CDK14: variants seen among roughly 807,000 people sequenced by gnomAD.
CDK14 encodes cyclin dependent kinase 14.
CDK14 carries 34 observed loss-of-function variants against 60.7 expected under a neutral mutation model. The observed-to-expected ratio is 0.56, with a 90% CI of 0.43 to 0.75. The LOEUF is 0.75. Ranked by LOEUF, CDK14 falls within the 30% of genes least tolerant of loss-of-function variation. The pLI, the probability that CDK14 is intolerant of heterozygous loss-of-function variation, is 0.00. For missense variants in CDK14, 482 were observed against 564.1 expected (o/e 0.85, Z 1.47); for synonymous variants, 197 against 203.7 (o/e 0.97, Z 0.28).
At chr7:91,195,892 T>C (rs1802521496) in intron 14 of CDK14, among the ~76,000 whole-genome samples, 1 of 152,160 alleles carries the variant, frequency 6.6e-6, no homozygotes, top group African/African-American at 2.4e-5. Flanking sequence ...TCACCTACCT[T>C]TCAGCTTTTC....
At chr7:91,037,820 TG>T (rs1332882541) in intron 10 of CDK14, among the ~76,000 whole-genome samples, 1 of 152,230 alleles carries the variant, frequency 6.6e-6, no homozygotes, top group Non-Finnish European at 1.5e-5. Flanking sequence ...TTCAGGATGT[TG>T]ACAAGTTTTG....
chr7:91,001,835 A>G (rs902516192), intron 10 of CDK14, among the ~76,000 whole-genome samples: 1 of 152,230 alleles, frequency 6.6e-6, no homozygotes, highest in Non-Finnish European at 1.5e-5. Flanking sequence ...GCTTAAACCC[A>G]GTTGTTGTCT....
intron 5 of CDK14, among the ~76,000 whole-genome samples, chr7:90,837,811 G>A (rs1369999483): frequency 1.3e-5 from 2 of 152,164 alleles, no homozygotes; most frequent in Non-Finnish European, 2.9e-5. Flanking sequence ...TGGTGTGAGG[G>A]TATGCCTGGG....
intron 5 of CDK14, among the ~76,000 whole-genome samples, chr7:90,828,812 G>T (rs764478383): frequency 4.6e-5 from 7 of 152,202 alleles, no homozygotes; most frequent in Non-Finnish European, 1.0e-4. Context: ...AATGTATCCT[G>T]TATGTGGCAG....
intron 2 of CDK14, among the ~76,000 whole-genome samples, chr7:90,664,647 G>A (rs1482893756): frequency 6.6e-6 from 1 of 152,142 alleles, no homozygotes; most frequent in Non-Finnish European, 1.5e-5. Flanking sequence ...TAGGGACATG[G>A]ATGAAACTGG....
At chr7:90,705,371 T>C (rs969354309) in intron 2 of CDK14, among the ~76,000 whole-genome samples, 3 of 152,102 alleles carry the variant, frequency 2.0e-5, no homozygotes, top group Non-Finnish European at 4.4e-5. Context: ...AGAAAAAAAG[T>C]AATTCTCTAT....
chr7:91,057,864 G>T (rs907273024), intron 11 of CDK14, among the ~76,000 whole-genome samples: 26 of 152,032 alleles, frequency 1.7e-4, no homozygotes, highest in Admixed American at 3.3e-4. Flanking sequence ...TGTTCTTTTG[G>T]CTTAGGATTG....
At chr7:91,048,277 C>T (rs958952139) in intron 11 of CDK14, among the ~76,000 whole-genome samples, 1 of 152,100 alleles carries the variant, frequency 6.6e-6, no homozygotes, top group Non-Finnish European at 1.5e-5. Context: ...CACAATTCCT[C>T]ATCTTGTTTT....
At chr7:91,043,667 C>T (rs1366064639) in intron 10 of CDK14, among the ~76,000 whole-genome samples, 3 of 152,180 alleles carry the variant, frequency 2.0e-5, no homozygotes, top group Non-Finnish European at 4.4e-5. Flanking sequence ...CCTTCCCCTT[C>T]GTCATCCAGC....
intron 11 of CDK14, among the ~76,000 whole-genome samples, chr7:91,052,769 A>G (rs1344508179): frequency 6.6e-6 from 1 of 152,228 alleles, no homozygotes; most frequent in African/African-American, 2.4e-5. Context: ...TAAAGTGGTT[A>G]TATTACTTCT....
chr7:91,178,320 T>C (rs1017953670), intron 14 of CDK14, among the ~76,000 whole-genome samples: 2 of 130,022 alleles, frequency 1.5e-5, no homozygotes, highest in African/African-American at 5.8e-5. Flanking sequence ...TCAAGATGGA[T>C]TAAAGACTTA....
Position 90,973,208 on chromosome 7 carries a change from A to G in CDK14, c.948-10940A>G, listed in dbSNP as rs79637199. 9.9e-3 allele frequency among the ~76,000 whole-genome samples: 1,499 copies of G among 152,134 alleles called. 25 individuals carry two copies. Among genetic ancestry groups the G allele is most frequent in the African/African-American group, 0.033 (1,378 of 41,494 alleles). On this transcript the variant is annotated intron_variant, in intron 9 of 14. Transcript: ENST00000380050. Reference sequence around the variant, plus strand: ...AGATGGCTCTGAAGGGCTCTAAATAATTTTCTAAACTTGAGAAGAGGCCTC... The same window carrying G: ...AGATGGCTCTGAAGGGCTCTAAATAGTTTTCTAAACTTGAGAAGAGGCCTC...
At chr7:91,001,369 C>G (rs939271276) in intron 10 of CDK14, among the ~76,000 whole-genome samples, 1 of 152,092 alleles carries the variant, frequency 6.6e-6, no homozygotes, top group African/African-American at 2.4e-5. Context: ...TCTCAGAATA[C>G]GTATCTTTGA....
chr7:90,896,030 A>G (rs895117267), intron 6 of CDK14, among the ~76,000 whole-genome samples: 1 of 151,810 alleles, frequency 6.6e-6, no homozygotes, highest in Non-Finnish European at 1.5e-5. Context: ...TAGTTTTTCT[A>G]TTTAATGTCT....
chr7:90,820,782 A>G (rs1789518234), intron 5 of CDK14, among the ~76,000 whole-genome samples: 2 of 152,202 alleles, frequency 1.3e-5, no homozygotes, highest in Non-Finnish European at 1.5e-5. Context: ...AAAACCTACT[A>G]TAACTCTAGT....
At chr7:91,042,326 T>G (rs1227832135) in intron 10 of CDK14, among the ~76,000 whole-genome samples, 1 of 152,110 alleles carries the variant, frequency 6.6e-6, no homozygotes, top group Non-Finnish European at 1.5e-5. Flanking sequence ...CCTCTCCCAC[T>G]AAACCACCCT....
At chr7:90,970,795 A>G (rs1370998210) in intron 9 of CDK14, among the ~76,000 whole-genome samples, 3 of 152,164 alleles carry the variant, frequency 2.0e-5, no homozygotes, top group Non-Finnish European at 4.4e-5. Flanking sequence ...TTTTGGTGAA[A>G]TTACTGAGTT....
At chr7:91,170,398 G>A (rs866894425) in intron 14 of CDK14, among the ~76,000 whole-genome samples, 10 of 152,082 alleles carry the variant, frequency 6.6e-5, no homozygotes, top group African/African-American at 1.2e-4. Flanking sequence ...AAGTGTGTCC[G>A]AATCTACTGC....
intron 9 of CDK14, among the ~76,000 whole-genome samples, chr7:90,981,568 A>G (rs1485543707): frequency 3.9e-5 from 6 of 152,202 alleles, no homozygotes; most frequent in Non-Finnish European, 8.8e-5. Flanking sequence ...TACAATTGTG[A>G]TAACAACTGG....
Sources: gnomAD v4.1 joint callset for allele counts (sites outside exome capture counted in the v4.1 genomes callset) on GRCh38, gnomAD v4.1.1 for gene constraint, MANE v1.5 for transcripts, NCBI Gene and HGNC (gene_info 2026-07-23, HGNC 2026-07-21) for gene names.